Variants in CNOT6L observed in about 807,000 individuals in gnomAD.
CNOT6L encodes the protein CCR4-NOT transcription complex subunit 6-like.
Under a neutral mutation model 64.0 loss-of-function variants are expected in CNOT6L, and 7 were observed. That is an observed-to-expected ratio of 0.11 (90% CI 0.06 to 0.21). The LOEUF (loss-of-function observed/expected upper bound fraction) is 0.21, where lower values mean the gene tolerates loss of function less well. Among genes scored for constraint, CNOT6L ranks in the 10% least tolerant of loss-of-function variants. The probability of loss-of-function intolerance (pLI) is 1.00; values close to 1 mark genes in which losing one functional copy is unlikely to be tolerated. For synonymous variants in CNOT6L, 193 were observed against 243.4 expected, an observed-to-expected ratio of 0.79 and a Z score of 1.93; for missense variants, 245 against 669.0, an observed-to-expected ratio of 0.37 and a Z score of 6.99.
At chr4:77,749,493 C>G (rs183346756) in intron 5 of CNOT6L, among the ~76,000 whole-genome samples, 1 of 152,226 alleles carries the variant, frequency 6.6e-6, no homozygotes, top group Admixed American at 6.5e-5. Context: ...CAAAATCTAC[C>G]TAAGCTGGCT....
chr4:77,803,274 T>C (rs2110150717), intron 1 of CNOT6L, among the ~76,000 whole-genome samples: 1 of 152,254 alleles, frequency 6.6e-6, no homozygotes, highest in East Asian at 1.9e-4. Context: ...TTAAAATATG[T>C]ATGACTTTTT....
intron 1 of CNOT6L, among the ~76,000 whole-genome samples, chr4:77,816,410 T>A (rs1489600866): frequency 1.3e-5 from 2 of 152,170 alleles, no homozygotes; most frequent in East Asian, 1.9e-4. Context: ...AAGGTAAGAA[T>A]TATTCCTTTA....
At chr4:77,730,473 C>T (rs896067122) in intron 9 of CNOT6L, among the ~76,000 whole-genome samples, 8 of 151,806 alleles carry the variant, frequency 5.3e-5, no homozygotes, top group Middle Eastern at 3.4e-3. Flanking sequence ...ATTACTCTTC[C>T]GCAAATTAAA....
chr4:77,802,659 T>C (rs1189872192), intron 1 of CNOT6L, among the ~76,000 whole-genome samples: 1 of 152,176 alleles, frequency 6.6e-6, no homozygotes, highest in Non-Finnish European at 1.5e-5. Context: ...ACCCAGTATG[T>C]GGCCAGATGG....
At position 77,714,338 on chromosome 4, in the gene CNOT6L, T is replaced by C. The variant is rs952527312; in HGVS notation, c.*6093A>G. 12 of 151,950 alleles carry C rather than the reference T, an allele frequency of 7.9e-5. No homozygotes were observed. The highest frequency in any genetic ancestry group is 4.9e-5 in the African/African-American group (2 of 41,152). The allele number at this position is 151,950 out of a possible 1,614,324, so 9.4% of individuals were successfully genotyped here. ...GGACAATTAGTTGGCACTTGTTATA[T>C]AGTTGAAAAAAATCACAACAGAAGA... is the stretch of plus-strand genomic sequence containing the variant. On this transcript the variant is annotated 3_prime_UTR_variant, in exon 12 of 12. Coordinates refer to ENST00000504123, the MANE Select transcript of CNOT6L (RefSeq NM_144571.3).
chr4:77,756,824 T>C, intron 5 of CNOT6L, 38 bp downstream of exon 5: 5 of 1,274,012 alleles, frequency 3.9e-6, no homozygotes, highest in African/African-American at 1.5e-5. Context: ...TCATAATATC[T>C]GTAGAATTTA....
chr4:77,774,273 G>A (rs551407322), intron 3 of CNOT6L, among the ~76,000 whole-genome samples: 1 of 152,192 alleles, frequency 6.6e-6, no homozygotes, highest in African/African-American at 2.4e-5. Flanking sequence ...ATTGGATAAT[G>A]AGACTTACTA....
intron 1 of CNOT6L, among the ~76,000 whole-genome samples, chr4:77,806,164 G>C (rs113652257): frequency 2.0e-5 from 3 of 152,084 alleles, no homozygotes; most frequent in African/African-American, 4.8e-5. Flanking sequence ...AGTGACTCAC[G>C]CCTATAATCC....
At chr4:77,805,857 G>A (rs570887405) in intron 1 of CNOT6L, among the ~76,000 whole-genome samples, 1 of 152,160 alleles carries the variant, frequency 6.6e-6, no homozygotes. Flanking sequence ...AATCATAAGA[G>A]TATTCTAATT....
At chr4:77,818,978 G>C (rs6828302) in intron 1 of CNOT6L, 549,641 of 665,964 alleles carry the variant, frequency 0.83, 228,814 homozygotes, top group Non-Finnish European at 0.86. Context: ...TCTCACCTGC[G>C]AGGCTCGGGA....
chr4:77,819,369 A>C, upstream of CNOT6L: 1 of 1,605,988 alleles, frequency 6.2e-7, no homozygotes. Context: ...AAACACACAC[A>C]CAAACACGCG....
intron 1 of CNOT6L, among the ~76,000 whole-genome samples, chr4:77,800,911 C>T (rs1162250266): frequency 6.6e-6 from 1 of 152,132 alleles, no homozygotes; most frequent in African/African-American, 2.4e-5. Flanking sequence ...CACACTGATC[C>T]AAAACAACTA....
chr4:77,809,035 T>C (rs1257591997), intron 1 of CNOT6L, among the ~76,000 whole-genome samples: 1 of 152,222 alleles, frequency 6.6e-6, no homozygotes, highest in Non-Finnish European at 1.5e-5. Context: ...TGCCAGGTAG[T>C]GTCCTAAATA....
At chr4:77,817,502 C>T (rs1733706646) in intron 1 of CNOT6L, among the ~76,000 whole-genome samples, 1 of 152,186 alleles carries the variant, frequency 6.6e-6, no homozygotes, top group Non-Finnish European at 1.5e-5. Context: ...ACATGCCAAA[C>T]ATATGTTTTC....
chr4:77,754,906 A>AAAAAAAAC (rs1725330213), intron 5 of CNOT6L, among the ~76,000 whole-genome samples: 1 of 143,388 alleles, frequency 7.0e-6, no homozygotes, highest in Non-Finnish European at 1.6e-5. Context: ...AAAAAAAAAA[A>AAAAAAAAC]AAAAAAACCG....
chr4:77,724,835 CTG>C (rs111451182), intron 11 of CNOT6L, among the ~76,000 whole-genome samples: 9,711 of 152,122 alleles, frequency 0.064, 462 homozygotes, highest in African/African-American at 0.13. Context: ...CTGTGGTAAA[CTG>C]TATCATTAAA....
intron 1 of CNOT6L, among the ~76,000 whole-genome samples, chr4:77,794,110 C>T (rs6816134): frequency 0.55 from 74,822 of 137,016 alleles, 20,065 homozygotes; most frequent in Admixed American, 0.6. Context: ...CCAGATCGCA[C>T]CACTGCACTC....
chr4:77,811,587 G>A (rs1732943662), intron 1 of CNOT6L, among the ~76,000 whole-genome samples: 1 of 152,082 alleles, frequency 6.6e-6, no homozygotes, highest in Non-Finnish European at 1.5e-5. Flanking sequence ...AAGGGAGAGG[G>A]AAAAAGAGGA....
chr4:77,775,955 G>A (rs1728094391), intron 2 of CNOT6L, among the ~76,000 whole-genome samples: 1 of 151,966 alleles, frequency 6.6e-6, no homozygotes, highest in South Asian at 2.1e-4. Context: ...TAGGAGGATG[G>A]CAAAGATTTC....
Sources: gnomAD v4.1 joint callset for allele counts (sites outside exome capture counted in the v4.1 genomes callset) on GRCh38, gnomAD v4.1.1 for gene constraint, MANE v1.5 for transcripts, NCBI Gene and HGNC (gene_info 2026-07-23, HGNC 2026-07-21) for gene names.